The following CCBE1 variants were observed in gnomAD, a reference collection of about 807,000 sequenced individuals.
CCBE1 encodes the protein collagen and calcium-binding EGF domain-containing protein 1.
In CCBE1, 37 loss-of-function variants were observed where a neutral mutation model predicts 50.0. That is an observed-to-expected ratio of 0.74 (90% CI 0.57 to 0.97). The LOEUF is 0.97. Ranked by LOEUF, CCBE1 falls within the 50% of genes least tolerant of loss-of-function variation. The pLI is 0.00. For missense variants in CCBE1, 538 were observed against 523.8 expected, an observed-to-expected ratio of 1.03 and a Z score of -0.26; for synonymous variants, 234 against 203.7, an observed-to-expected ratio of 1.15 and a Z score of -1.27.
intron 2 of CCBE1, among the ~76,000 whole-genome samples, chr18:59,636,558 G>A (rs1173784979): frequency 6.6e-6 from 1 of 152,130 alleles, no homozygotes; most frequent in Admixed American, 6.5e-5. Flanking sequence ...AAACACAAAG[G>A]AAACCTAGAC....
intron 5 of CCBE1, among the ~76,000 whole-genome samples, chr18:59,455,902 T>A (rs1227546094): frequency 6.6e-6 from 1 of 152,258 alleles, no homozygotes; most frequent in Non-Finnish European, 1.5e-5. Context: ...GTTTGCTCTT[T>A]GTGTGACATA....
intron 7 of CCBE1, among the ~76,000 whole-genome samples, chr18:59,445,983 GC>G (rs1201766142): frequency 6.6e-6 from 1 of 152,148 alleles, no homozygotes; most frequent in Non-Finnish European, 1.5e-5. Flanking sequence ...TTCACCACAG[GC>G]CTCGGAACTG....
chr18:59,496,825 A>G (rs1282874070), intron 2 of CCBE1, among the ~76,000 whole-genome samples: 1 of 152,158 alleles, frequency 6.6e-6, no homozygotes, highest in Non-Finnish European at 1.5e-5. Context: ...CTCTATGTTC[A>G]AGAGGCCTGA....
At chr18:59,606,026 C>T (rs2053493553) in intron 2 of CCBE1, among the ~76,000 whole-genome samples, 1 of 152,166 alleles carries the variant, frequency 6.6e-6, no homozygotes, top group Non-Finnish European at 1.5e-5. Context: ...CAAGCAACCA[C>T]GATGATCTCA....
At chr18:59,578,286 C>G (rs765852257) in intron 2 of CCBE1, among the ~76,000 whole-genome samples, 1 of 152,086 alleles carries the variant, frequency 6.6e-6, no homozygotes, top group Non-Finnish European at 1.5e-5. Flanking sequence ...CGATCATTAA[C>G]AAGTCAGGAA....
chr18:59,544,379 T>TCA (rs1185840883), intron 2 of CCBE1, among the ~76,000 whole-genome samples: 3 of 152,188 alleles, frequency 2.0e-5, no homozygotes, highest in Admixed American at 6.5e-5. Context: ...AAATTAACCC[T>TCA]CACCATTATG....
intron 6 of CCBE1, among the ~76,000 whole-genome samples, chr18:59,450,007 G>A (rs1025443271): frequency 1.3e-5 from 2 of 152,192 alleles, no homozygotes; most frequent in Non-Finnish European, 1.5e-5. Flanking sequence ...CTTTAGAGGC[G>A]GCTGTCCAGA....
intron 2 of CCBE1, among the ~76,000 whole-genome samples, chr18:59,514,876 C>G (rs905340400): frequency 1.5e-4 from 23 of 151,962 alleles, no homozygotes; most frequent in Admixed American, 1.5e-3. Context: ...TCTATAATTC[C>G]GATTTCTGAG....
intron 2 of CCBE1, among the ~76,000 whole-genome samples, chr18:59,583,858 G>C (rs2053132875): frequency 6.6e-6 from 1 of 152,136 alleles, no homozygotes; most frequent in Non-Finnish European, 1.5e-5. Flanking sequence ...ATGTTGAAAT[G>C]TAATCCTCTG....
intron 7 of CCBE1, among the ~76,000 whole-genome samples, chr18:59,442,034 A>T (rs914464646): frequency 6.6e-6 from 1 of 152,172 alleles, no homozygotes; most frequent in Admixed American, 6.5e-5. Context: ...ATTGCCCCAT[A>T]GTCCCATCCT....
chr18:59,634,992 G>A (rs181870137), intron 2 of CCBE1, among the ~76,000 whole-genome samples: 1 of 152,120 alleles, frequency 6.6e-6, no homozygotes. Context: ...AACAGCTGAG[G>A]GTTCTCCAGA....
intron 2 of CCBE1, among the ~76,000 whole-genome samples, chr18:59,608,149 T>A (rs1377163770): frequency 6.6e-6 from 1 of 152,018 alleles, no homozygotes; most frequent in Non-Finnish European, 1.5e-5. Flanking sequence ...TAAATACAAA[T>A]GGGGATTAAA....
At position 59,494,825 on chromosome 18, in the gene CCBE1, G is replaced by A. The variant is rs191502670; in HGVS notation, c.213-14587C>T. Among the ~76,000 whole-genome samples, 171 of 152,294 alleles carry A rather than the reference G, an allele frequency of 1.1e-3. 1 individual carries two copies. Among genetic ancestry groups the A allele is most frequent in the African/African-American group, 4.0e-3 (166 of 41,566 alleles). ...GGGCATGGAGCTCTAGCGACGACCTGCAGCATGGCAGATGAAGCCAACAAT... is the reference window on the plus strand; with the variant it reads ...GGGCATGGAGCTCTAGCGACGACCTACAGCATGGCAGATGAAGCCAACAAT... On this transcript the variant is annotated intron_variant, in intron 2 of 10. Transcript: ENST00000439986.
chr18:59,534,711 C>A (rs1188390448), intron 2 of CCBE1, among the ~76,000 whole-genome samples: 1 of 152,158 alleles, frequency 6.6e-6, no homozygotes, highest in Non-Finnish European at 1.5e-5. Context: ...TTTCTGATGT[C>A]CACTGTAGAG....
chr18:59,515,074 A>C (rs541123361), intron 2 of CCBE1, among the ~76,000 whole-genome samples: 1 of 152,362 alleles, frequency 6.6e-6, no homozygotes, highest in East Asian at 1.9e-4. Flanking sequence ...AAAGTAATAC[A>C]TAAAACACAA....
At chr18:59,473,567 T>G (rs1912140051) in intron 3 of CCBE1, among the ~76,000 whole-genome samples, 1 of 58,684 alleles carries the variant, frequency 1.7e-5, no homozygotes, top group Admixed American at 2.4e-4. Flanking sequence ...ATGTCTAATA[T>G]TCTCATCTTT....
intron 2 of CCBE1, among the ~76,000 whole-genome samples, chr18:59,503,291 C>T (rs1023780536): frequency 4.6e-5 from 7 of 152,210 alleles, no homozygotes; most frequent in African/African-American, 1.7e-4. Context: ...CAGCAGCTAC[C>T]ATTTACGTAG....
At chr18:59,476,683 A>G (rs953134664) in intron 3 of CCBE1, among the ~76,000 whole-genome samples, 1 of 152,232 alleles carries the variant, frequency 6.6e-6, no homozygotes, top group Non-Finnish European at 1.5e-5. Context: ...AGCAACGCTT[A>G]AAAACTATAG....
At chr18:59,484,915 G>A (rs17065869) in intron 2 of CCBE1, among the ~76,000 whole-genome samples, 2,403 of 152,276 alleles carry the variant, frequency 0.016, 68 homozygotes, top group African/African-American at 0.054. Flanking sequence ...CTGTTTCAAA[G>A]ATTACTTACA....
Sources: allele counts gnomAD v4.1 joint callset (sites outside exome capture counted in the v4.1 genomes callset), GRCh38; gene constraint gnomAD v4.1.1; transcripts MANE v1.5; gene names NCBI Gene and HGNC (gene_info 2026-07-23, HGNC 2026-07-21).